The following YPEL2 variants were observed in gnomAD, a reference collection of about 807,000 sequenced individuals.
YPEL2 encodes yippee like 2.
In YPEL2, 2 loss-of-function variants were observed where a neutral mutation model predicts 19.1. The observed-to-expected ratio is 0.10, with a 90% CI of 0.04 to 0.33. YPEL2 has a LOEUF of 0.33. Among genes scored for constraint, YPEL2 ranks in the 10% least tolerant of loss-of-function variants. The pLI is 1.00. For synonymous variants in YPEL2, 52 were observed against 50.0 expected, an observed-to-expected ratio of 1.04 and a Z score of -0.17; for missense variants, 66 against 140.7, an observed-to-expected ratio of 0.47 and a Z score of 2.68.
chr17:59,373,290 A>T (rs2047905589), intron 2 of YPEL2, among the ~76,000 whole-genome samples: 1 of 152,136 alleles, frequency 6.6e-6, no homozygotes, highest in Non-Finnish European at 1.5e-5. Flanking sequence ...TTAGCAGCAA[A>T]ACAGATGCAC....
intron 2 of YPEL2, among the ~76,000 whole-genome samples, chr17:59,357,916 G>A (rs537337129): frequency 3.9e-5 from 6 of 152,288 alleles, no homozygotes; most frequent in East Asian, 3.9e-4. Flanking sequence ...GTAGGGTGCT[G>A]TAGAGGGGTA....
intron 1 of YPEL2, among the ~76,000 whole-genome samples, chr17:59,346,817 A>G (rs913054502): frequency 1.3e-4 from 20 of 152,292 alleles, no homozygotes; most frequent in Middle Eastern, 3.4e-3. Context: ...CTGAGTTTCA[A>G]TGGACAAGTA....
intron 1 of YPEL2, among the ~76,000 whole-genome samples, chr17:59,336,049 T>G (rs1377706000): frequency 6.6e-6 from 1 of 152,190 alleles, no homozygotes; most frequent in Non-Finnish European, 1.5e-5. Context: ...CTTGAGAGCT[T>G]CTCTGTCTTG....
chr17:59,342,465 G>A (rs186432803), intron 1 of YPEL2, among the ~76,000 whole-genome samples: 7 of 152,224 alleles, frequency 4.6e-5, no homozygotes, highest in Admixed American at 1.3e-4. Context: ...AAGATAGGCC[G>A]TATCTCTTAC....
At chr17:59,370,893 G>A (rs1025273556) in intron 2 of YPEL2, among the ~76,000 whole-genome samples, 3 of 152,206 alleles carry the variant, frequency 2.0e-5, no homozygotes, top group African/African-American at 7.2e-5. Flanking sequence ...TTAATGTGTA[G>A]TCCAACTGGG....
intron 3 of YPEL2, chr17:59,389,063 G>GT (rs1349547712): frequency 2.3e-5 from 9 of 392,894 alleles, no homozygotes; most frequent in Non-Finnish European, 3.3e-5. Context: ...CTGTCAGCTT[G>GT]TCCCCCTAAG....
intron 1 of YPEL2, among the ~76,000 whole-genome samples, chr17:59,350,988 T>C (rs2047784837): frequency 6.6e-6 from 1 of 152,162 alleles, no homozygotes. Flanking sequence ...CTGCTTGTTT[T>C]CCCCTGCCTG....
intron 2 of YPEL2, among the ~76,000 whole-genome samples, chr17:59,369,241 A>G (rs1242833274): frequency 6.6e-6 from 1 of 152,234 alleles, no homozygotes; most frequent in Non-Finnish European, 1.5e-5. Flanking sequence ...GGTTTGGAAT[A>G]CGGCCAAGTG....
At chr17:59,340,792 G>A (rs1328567159) in intron 1 of YPEL2, among the ~76,000 whole-genome samples, 1 of 150,514 alleles carries the variant, frequency 6.6e-6, no homozygotes, top group African/African-American at 2.4e-5. Context: ...CTCGGTCACT[G>A]CAACCTCAGC....
At chr17:59,381,802 A>G (rs1323198873) in intron 2 of YPEL2, among the ~76,000 whole-genome samples, 1 of 152,224 alleles carries the variant, frequency 6.6e-6, no homozygotes, top group East Asian at 1.9e-4. Context: ...ACAACATGGA[A>G]AAGAGCCGCC....
At chr17:59,374,449 A>C (rs1333929655) in intron 2 of YPEL2, among the ~76,000 whole-genome samples, 1 of 152,118 alleles carries the variant, frequency 6.6e-6, no homozygotes, top group East Asian at 1.9e-4. Flanking sequence ...CCAGTCCCAG[A>C]GGGTTGGAAT....
At chr17:59,365,446 C>G (rs188265783) in intron 2 of YPEL2, among the ~76,000 whole-genome samples, 11 of 152,342 alleles carry the variant, frequency 7.2e-5, no homozygotes, top group Non-Finnish European at 1.3e-4. Context: ...TACTGTGCCT[C>G]TGACCCACCC....
chr17:59,375,538 C>A (rs1401646155), intron 2 of YPEL2, among the ~76,000 whole-genome samples: 3 of 152,048 alleles, frequency 2.0e-5, no homozygotes, highest in Non-Finnish European at 2.9e-5. Flanking sequence ...GGTGTTCCCT[C>A]GGTGGTCCTC....
intron 1 of YPEL2, among the ~76,000 whole-genome samples, chr17:59,340,730 T>A (rs563639639): frequency 6.8e-6 from 1 of 146,982 alleles, no homozygotes; most frequent in Admixed American, 6.8e-5. Flanking sequence ...TTTTTTTTTT[T>A]GAAATGGCGA....
intron 1 of YPEL2, among the ~76,000 whole-genome samples, chr17:59,352,810 C>G (rs1182487217): frequency 1.3e-5 from 2 of 152,122 alleles, no homozygotes; most frequent in Non-Finnish European, 2.9e-5. Flanking sequence ...ATGTGGTGAA[C>G]CTCTAGAGGC....
intron 2 of YPEL2, chr17:59,366,244 T>TA (rs1289565965): frequency 6.5e-6 from 1 of 154,140 alleles, no homozygotes; most frequent in Non-Finnish European, 1.5e-5. Flanking sequence ...GAGCTCCTCT[T>TA]ACGTGTTAGA....
At chr17:59,340,300 GGTTTCACTAC>G (rs1252064153) in intron 1 of YPEL2, among the ~76,000 whole-genome samples, 1 of 151,970 alleles carries the variant, frequency 6.6e-6, no homozygotes, top group Non-Finnish European at 1.5e-5. Context: ...GTAGAGACAG[GGTTTCACTAC>G]GTTGGCCAGG....
At chr17:59,388,516 C>A in intron 3 of YPEL2, 146 bp downstream of exon 3, 2 of 831,734 alleles carry the variant, frequency 2.4e-6, no homozygotes, top group South Asian at 2.9e-5. Context: ...AATTGGTAGT[C>A]AGTTACCTTT....
chr17:59,396,185 A>G (rs111349158), intron 4 of YPEL2, among the ~76,000 whole-genome samples: 1 of 152,246 alleles, frequency 6.6e-6, no homozygotes, highest in Non-Finnish European at 1.5e-5. Context: ...AACTTCCGTT[A>G]GCACCAGTAA....
Sources: allele counts gnomAD v4.1 joint callset (sites outside exome capture counted in the v4.1 genomes callset), GRCh38; gene constraint gnomAD v4.1.1; transcripts MANE v1.5; gene names NCBI Gene and HGNC (gene_info 2026-07-23, HGNC 2026-07-21).